ADGRE1: variants seen among roughly 807,000 people sequenced by gnomAD.
ADGRE1 encodes the protein adhesion G protein-coupled receptor E1.
In ADGRE1, 82 loss-of-function variants were observed where a neutral mutation model predicts 102.7. The ratio of observed to expected loss-of-function variants is 0.80; its 90% confidence interval spans 0.67 to 0.96. The LOEUF is 0.96. Ranked by LOEUF, ADGRE1 falls within the 40% of genes least tolerant of loss-of-function variation. The pLI, the probability that ADGRE1 is intolerant of heterozygous loss-of-function variation, is 0.00. For synonymous variants in ADGRE1, 398 were observed against 399.6 expected, an observed-to-expected ratio of 1.00 and a Z score of 0.05; for missense variants, 1,032 against 1,085.3, an observed-to-expected ratio of 0.95 and a Z score of 0.69.
intron 14 of ADGRE1, among the ~76,000 whole-genome samples, chr19:6,922,844 G>A (rs902508897): frequency 5.3e-5 from 8 of 152,094 alleles, no homozygotes; most frequent in Non-Finnish European, 7.4e-5. Flanking sequence ...TCGGGAGGCC[G>A]AGGTGGGCAG....
chr19:6,927,395 T>A lies in ADGRE1; in HGVS notation c.2223-750T>A, dbSNP rs1599761094. Among the ~76,000 whole-genome samples, 3 of 152,020 alleles carry A rather than the reference T, an allele frequency of 2.0e-5. No homozygotes were observed. The East Asian group carries it at 5.8e-4, about 29-fold the overall frequency. Reference sequence around the variant, plus strand: ...ATCTTGTCTATGCTAGGCTGTGCTCTGAGTGCTGAGTATTCAGAGATGAAC... The same window carrying A: ...ATCTTGTCTATGCTAGGCTGTGCTCAGAGTGCTGAGTATTCAGAGATGAAC... On this transcript the variant is annotated intron_variant, in intron 16 of 20. Transcript: ENST00000312053.
At chr19:6,892,420 G>C (rs150256555) in intron 2 of ADGRE1, among the ~76,000 whole-genome samples, 1 of 151,884 alleles carries the variant, frequency 6.6e-6, no homozygotes, top group African/African-American at 2.4e-5. Context: ...CCAATCCATC[G>C]GCAAATTTTG....
At chr19:6,927,455 A>T (rs1484238725) in intron 16 of ADGRE1, among the ~76,000 whole-genome samples, 3 of 152,032 alleles carry the variant, frequency 2.0e-5, no homozygotes, top group African/African-American at 7.2e-5. Flanking sequence ...TGAAACTCAT[A>T]GTCTAGTAGT....
chr19:6,910,843 G>A (rs1269422790), intron 10 of ADGRE1, among the ~76,000 whole-genome samples: 1 of 152,058 alleles, frequency 6.6e-6, no homozygotes, highest in Non-Finnish European at 1.5e-5. Context: ...AAAGTGCTGG[G>A]ATTACAGGCA....
chr19:6,939,924 C>A, intron 20 of ADGRE1, 100 bp from the exon 21 acceptor site: 1 of 1,289,534 alleles, frequency 7.8e-7, no homozygotes, highest in East Asian at 2.3e-5. Flanking sequence ...GTCTTTGTTA[C>A]TGTATTTTTA....
At chr19:6,887,736 A>AT in intron 1 of ADGRE1, 97 bp downstream of exon 1, 8 of 1,340,768 alleles carry the variant, frequency 6.0e-6, no homozygotes, top group Non-Finnish European at 8.3e-6. Flanking sequence ...CCAAGAGATC[A>AT]TAAGTCCAGA....
intron 1 of ADGRE1, among the ~76,000 whole-genome samples, chr19:6,889,486 C>T (rs750276526): frequency 2.0e-5 from 3 of 151,604 alleles, no homozygotes; most frequent in South Asian, 2.1e-4. Context: ...GTCAGGAGAT[C>T]GAGACCATCC....
intron 14 of ADGRE1, 130 bp from the exon 15 acceptor site, chr19:6,924,548 T>A (rs1002056715): frequency 2.8e-6 from 2 of 712,398 alleles, no homozygotes; most frequent in Non-Finnish European, 4.7e-6. Context: ...TCTAGTTCAC[T>A]CTGAGTGTTA....
At chr19:6,934,813 G>T (rs1197825818) in intron 17 of ADGRE1, among the ~76,000 whole-genome samples, 174 bp from the exon 18 acceptor site, 3 of 141,120 alleles carry the variant, frequency 2.1e-5, no homozygotes, top group Non-Finnish European at 4.6e-5. Flanking sequence ...CACCATGTTT[G>T]CCAGGCTGGT....
chr19:6,920,231 CT>C (rs1555715827), intron 13 of ADGRE1, among the ~76,000 whole-genome samples: 475 of 79,460 alleles, frequency 6.0e-3, no homozygotes, highest in Middle Eastern at 0.011. Context: ...GTGGTTGCTT[CT>C]TTTTTTTTTT....
At chr19:6,938,506 TTTTC>T (rs1975530088) in intron 20 of ADGRE1, among the ~76,000 whole-genome samples, 2 of 152,268 alleles carry the variant, frequency 1.3e-5, no homozygotes, top group South Asian at 4.1e-4. Context: ...TGTCTTATTT[TTTTC>T]AACAATGTAT....
rs1401708336 is a variant in ADGRE1 at position 6,896,505 on chromosome 19, C to A, written c.202C>A (p.Gln68Lys). Residue 68 changes from glutamine (Q) to lysine (K), a missense_variant, in exon 3 of 21, where the codon CAA (glutamine) becomes AAA (lysine). By Grantham distance (53) the Gln-to-Lys change is moderately conservative. Transcript: ENST00000312053. ...CKQGFLSSNGQNHFKDPGVRC... is the reference protein window; with the variant it reads ...CKQGFLSSNGKNHFKDPGVRC... ...ACAAGGCTTCCTGTCCAGCAATGGGCAAAATCACTTCAAGGATCCAGGAGT... is the reference window on the plus strand; with the variant it reads ...ACAAGGCTTCCTGTCCAGCAATGGGAAAAATCACTTCAAGGATCCAGGAGT... 31 of 1,613,968 alleles carry A rather than the reference C, an allele frequency of 1.9e-5. No homozygotes were observed. Among genetic ancestry groups the A allele is most frequent in the Non-Finnish European group, 2.4e-5 (28 of 1,179,986 alleles).
At position 6,918,426 on chromosome 19, in the gene ADGRE1, G is replaced by A. The variant is rs371224461; in HGVS notation, c.1421-1122G>A. Among the ~76,000 whole-genome samples the A allele has an allele frequency of 1.5e-4, 23 of 151,852 alleles. 1 individual carries two copies. The East Asian group carries it at 3.3e-3, about 22-fold the overall frequency. ...ATTGCACTCCAGCATGGGCAACAGA[G>A]CAAGACTCTGTCTCAAAAAAAAAAG... On this transcript the variant is annotated intron_variant, in intron 12 of 20. Coordinates refer to ENST00000312053, the MANE Select transcript of ADGRE1 (RefSeq NM_001974.5).
In ADGRE1 at chr19:6,903,850, A is replaced by G; in HGVS notation, c.702A>G (p.Thr234=). ...CTGAAATGTGCCCCATCAATTCAAC[A>G]TGCACCAACACTCCTGGGAGCTACT... is the stretch of plus-strand genomic sequence containing the variant. The part of the protein sequence containing the change: ...ECTEMCPINS[T]CTNTPGSYFC... The change falls in exon 7 of 21, where the codon ACA becomes ACG. Residue 234 remains threonine (T), a synonymous_variant. Coordinates refer to ENST00000312053, the MANE Select transcript of ADGRE1 (RefSeq NM_001974.5). The G allele has an allele frequency of 1.9e-6, 3 of 1,614,136 alleles. No individual in the cohort carries two copies.
At position 6,926,552 on chromosome 19, in the gene ADGRE1, G is replaced by A; in HGVS notation, c.2173G>A (p.Val725Met). Residue 725 changes from valine (V) to methionine (M), a missense_variant, in exon 16 of 21, where the codon GTG becomes ATG. By Grantham distance (21) the Val-to-Met change is conservative (BLOSUM62 1). Coordinates refer to ENST00000312053, the MANE Select transcript of ADGRE1 (RefSeq NM_001974.5). ...TGGTTATGGGCTGCCGATGCTGGTG[G>A]TGGTGATCTCTGCCAGTGTGCAGCC... is the stretch of plus-strand genomic sequence containing the variant. ...AFGYGLPMLV[V>M]VISASVQPQG... is the part of the protein sequence containing the mutation. 1 of 1,614,232 alleles carries A rather than the reference G, an allele frequency of 6.2e-7. No individual in the cohort carries two copies. The highest frequency in any genetic ancestry group is 1.7e-5 in the Admixed American group (1 of 60,024).
At chr19:6,903,365 T>G (rs1973837430) in intron 6 of ADGRE1, among the ~76,000 whole-genome samples, 1 of 152,234 alleles carries the variant, frequency 6.6e-6, no homozygotes, top group Non-Finnish European at 1.5e-5. Flanking sequence ...CATCTGGAGT[T>G]GAGTCCTGTT....
At chr19:6,909,456 T>C (rs984494977) in intron 10 of ADGRE1, among the ~76,000 whole-genome samples, 1 of 152,208 alleles carries the variant, frequency 6.6e-6, no homozygotes, top group Non-Finnish European at 1.5e-5. Context: ...GTTATATAAA[T>C]GAAACCACAT....
chr19:6,933,685 C>A (rs1433081211), intron 17 of ADGRE1, among the ~76,000 whole-genome samples: 3 of 152,124 alleles, frequency 2.0e-5, no homozygotes, highest in East Asian at 3.9e-4. Context: ...CCGCTCCCGA[C>A]CAGAAGACAT....
intron 18 of ADGRE1, 60 bp from the exon 19 acceptor site, chr19:6,937,183 T>G (rs1975446683): frequency 6.5e-7 from 1 of 1,547,784 alleles, no homozygotes; most frequent in African/African-American, 1.4e-5. Context: ...CCTGGAAGTG[T>G]GGCCTGCAAG....
Sources: allele counts gnomAD v4.1 joint callset (sites outside exome capture counted in the v4.1 genomes callset), GRCh38; gene constraint gnomAD v4.1.1; transcripts MANE v1.5; gene names NCBI Gene and HGNC (gene_info 2026-07-23, HGNC 2026-07-21).